Variants in CLASP1 observed in about 807,000 individuals in gnomAD.
CLASP1 encodes CLIP-associating protein 1.
A neutral mutation model predicts 192.3 loss-of-function variants in CLASP1; 38 were observed. That is an observed-to-expected ratio of 0.20 (90% CI 0.15 to 0.26). The LOEUF is 0.26. Among genes scored for constraint, CLASP1 ranks in the 10% least tolerant of loss-of-function variants. The pLI is 1.00. For synonymous variants in CLASP1, 691 were observed against 712.8 expected (o/e 0.97, Z 0.49); for missense variants, 1,433 against 1,932.5 (o/e 0.74, Z 4.85).
At chr2:121,474,350 T>C (rs2091291835) in intron 8 of CLASP1, among the ~76,000 whole-genome samples, 2 of 152,164 alleles carry the variant, frequency 1.3e-5, no homozygotes, top group African/African-American at 4.8e-5. Context: ...CTTGTCTAAA[T>C]TGCCTGAAGA....
intron 39 of CLASP1, among the ~76,000 whole-genome samples, chr2:121,346,137 G>A (rs907062339): frequency 3.0e-4 from 46 of 152,332 alleles, no homozygotes; most frequent in Non-Finnish European, 5.3e-4. Flanking sequence ...AAGAGCAGGC[G>A]CTTCTGGTTT....
At chr2:121,471,394 C>A (rs767691794) in intron 8 of CLASP1, among the ~76,000 whole-genome samples, 1 of 152,014 alleles carries the variant, frequency 6.6e-6, no homozygotes, top group Non-Finnish European at 1.5e-5. Flanking sequence ...ATTTAGGAGG[C>A]TAAACAAAGA....
chr2:121,619,451 A>T (rs2066972835), intron 1 of CLASP1, among the ~76,000 whole-genome samples: 1 of 152,208 alleles, frequency 6.6e-6, no homozygotes, highest in Non-Finnish European at 1.5e-5. Flanking sequence ...AAAAATTCCT[A>T]AGAAAATGCA....
intron 7 of CLASP1, among the ~76,000 whole-genome samples, chr2:121,511,092 A>G (rs538663735): frequency 3.4e-4 from 52 of 152,326 alleles, no homozygotes; most frequent in African/African-American, 1.2e-3. Context: ...AGACAACTAT[A>G]CAAATGAAAC....
intron 1 of CLASP1, among the ~76,000 whole-genome samples, chr2:121,608,689 A>T (rs1400872044): frequency 6.6e-6 from 1 of 152,198 alleles, no homozygotes; most frequent in Non-Finnish European, 1.5e-5. Context: ...ATTATGAGAA[A>T]TAACATTTCA....
intron 6 of CLASP1, among the ~76,000 whole-genome samples, chr2:121,517,756 G>T (rs1424880623): frequency 2.0e-5 from 3 of 151,668 alleles, no homozygotes; most frequent in Admixed American, 1.3e-4. Context: ...CTACTTGGGG[G>T]GGCCTGAGGT....
At chr2:121,537,322 G>A (rs1260717379) in intron 2 of CLASP1, among the ~76,000 whole-genome samples, 1 of 151,962 alleles carries the variant, frequency 6.6e-6, no homozygotes, top group Non-Finnish European at 1.5e-5. Flanking sequence ...AGCCCAGGAG[G>A]TTGAGGCTGC....
At chr2:121,630,724 C>T (rs2069385356) in intron 1 of CLASP1, among the ~76,000 whole-genome samples, 1 of 151,556 alleles carries the variant, frequency 6.6e-6, no homozygotes, top group Admixed American at 6.6e-5. Context: ...ATTAGCCGGG[C>T]ATGGTGGTGG....
At chr2:121,628,897 A>C (rs1434212188) in intron 1 of CLASP1, among the ~76,000 whole-genome samples, 1 of 151,792 alleles carries the variant, frequency 6.6e-6, no homozygotes, top group Non-Finnish European at 1.5e-5. Context: ...AAAAAAAAAA[A>C]AAAAAGTATA....
chr2:121,649,233 C>A (rs998620189), intron 1 of CLASP1, 139 bp downstream of exon 1: 2 of 152,650 alleles, frequency 1.3e-5, no homozygotes, highest in African/African-American at 2.4e-5. Flanking sequence ...GCCGCCCCAT[C>A]CCCCCAAAGT....
chr2:121,503,388 T>G (rs1483205466), intron 7 of CLASP1, among the ~76,000 whole-genome samples, 154 bp from the exon 8 acceptor site: 1 of 152,152 alleles, frequency 6.6e-6, no homozygotes, highest in African/African-American at 2.4e-5. Flanking sequence ...ATCAATAACA[T>G]TAACAATAGC....
intron 30 of CLASP1, among the ~76,000 whole-genome samples, chr2:121,393,600 T>C (rs2074751379): frequency 6.6e-6 from 1 of 152,162 alleles, no homozygotes; most frequent in Non-Finnish European, 1.5e-5. Context: ...CAAGAACGTC[T>C]CATATTCTTG....
At chr2:121,491,378 GA>G (rs2093295995) in intron 8 of CLASP1, among the ~76,000 whole-genome samples, 2 of 152,138 alleles carry the variant, frequency 1.3e-5, no homozygotes, top group African/African-American at 2.4e-5. Context: ...CTTTGCTCAA[GA>G]AACTCAAAAG....
exon 19 of CLASP1, chr2:121,447,411 T>C (rs1347606973): frequency 3.2e-6 from 5 of 1,574,400 alleles, no homozygotes; most frequent in Admixed American, 3.7e-5. Flanking sequence ...TGAGGAGACT[T>C]TGGATTTGGC....
At chr2:121,611,480 C>A (rs1468549562) in intron 1 of CLASP1, among the ~76,000 whole-genome samples, 49 of 67,338 alleles carry the variant, frequency 7.3e-4, no homozygotes, top group Admixed American at 1.2e-3. Context: ...GAGGAGGAGG[C>A]GTTGGAGGAG....
chr2:121,381,986 A>G lies in CLASP1; in HGVS notation c.3491+222T>C, dbSNP rs367587830. Among the ~76,000 whole-genome samples the G allele has an allele frequency of 3.2e-4, 49 of 152,230 alleles. No homozygotes were observed. The South Asian group carries it at 8.5e-3, about 26-fold the overall frequency. On this transcript the variant is annotated intron_variant, in intron 33 of 39. Transcript: ENST00000263710. ...GGTGATGAATCTGATCAGCTTATAA[A>G]GGGTCATCTGTCCCTGTGACACAGC...
At chr2:121,502,929 G>A (rs941912995) in intron 8 of CLASP1, among the ~76,000 whole-genome samples, 4 of 152,174 alleles carry the variant, frequency 2.6e-5, no homozygotes, top group Non-Finnish European at 5.9e-5. Context: ...TGGGATTCAG[G>A]ACGCAGTTTT....
chr2:121,507,662 T>C (rs1212149505), intron 7 of CLASP1, among the ~76,000 whole-genome samples: 7 of 152,164 alleles, frequency 4.6e-5, no homozygotes, highest in Admixed American at 1.3e-4. Flanking sequence ...TAAAACAATC[T>C]ATATATTTAA....
chr2:121,648,505 A>T (rs934226528), intron 1 of CLASP1, among the ~76,000 whole-genome samples: 2 of 152,128 alleles, frequency 1.3e-5, no homozygotes, highest in South Asian at 2.1e-4. Flanking sequence ...CTCCACATTA[A>T]TTTTTTTTAA....
Sources: allele counts gnomAD v4.1 joint callset (sites outside exome capture counted in the v4.1 genomes callset), GRCh38; gene constraint gnomAD v4.1.1; transcripts MANE v1.5; gene names NCBI Gene and HGNC (gene_info 2026-07-23, HGNC 2026-07-21).